Variants in MCC observed in about 807,000 individuals in gnomAD.
MCC encodes colorectal mutant cancer protein.
MCC carries 90 observed loss-of-function variants against 116.2 expected under a neutral mutation model. That is an observed-to-expected ratio of 0.77 (90% CI 0.65 to 0.92). The LOEUF (loss-of-function observed/expected upper bound fraction) is 0.92, where lower values mean the gene tolerates loss of function less well. Ranked by LOEUF, MCC falls within the 40% of genes least tolerant of loss-of-function variation. The pLI is 0.00. For synonymous variants in MCC, 578 were observed against 510.5 expected (o/e 1.13, Z -1.78); for missense variants, 1,516 against 1,312.2 (o/e 1.16, Z -2.40).
At chr5:113,459,194 G>A (rs937994307) in intron 1 of MCC, among the ~76,000 whole-genome samples, 1 of 149,274 alleles carries the variant, frequency 6.7e-6, no homozygotes, top group Admixed American at 6.7e-5. Context: ...GGGTGGGGGG[G>A]GGAGAGAGAG....
intron 3 of MCC, among the ~76,000 whole-genome samples, chr5:113,222,355 A>G (rs1374597446): frequency 2.6e-5 from 4 of 152,178 alleles, no homozygotes; most frequent in Admixed American, 2.6e-4. Flanking sequence ...GTTCACAAAG[A>G]TATTGTATTG....
At chr5:113,303,664 TA>T (rs778044795) in intron 3 of MCC, among the ~76,000 whole-genome samples, 1 of 152,048 alleles carries the variant, frequency 6.6e-6, no homozygotes, top group African/African-American at 2.4e-5. Context: ...CATATGGAGA[TA>T]ACTTCTTTTT....
At chr5:113,145,766 ACACACACACACACACACAAACACACAC>A (rs879891492) in intron 4 of MCC, among the ~76,000 whole-genome samples, 3,082 of 48,058 alleles carry the variant, frequency 0.064, 47 homozygotes, top group Middle Eastern at 0.087. Context: ...ACACACACAC[ACACACACACACACACACAAACACACAC>A]ACACACACAC....
rs34111159 is a variant in MCC, at chr5:113,456,623, A to ATTTTTTTTTTTTTTTTTTT, written c.170+31603_170+31621dup. Among the ~76,000 whole-genome samples, 38 of 51,074 alleles carry ATTTTTTTTTTTTTTTTTTT rather than the reference A, an allele frequency of 7.4e-4. 6 individuals are homozygous for ATTTTTTTTTTTTTTTTTTT. The highest frequency in any genetic ancestry group is 1.7e-3 in the Admixed American group (5 of 2,982). The allele number at this position is 51,074 out of a possible 152,430, so 33.5% of individuals were successfully genotyped here. ...AGTCACCCGCCACCATGCCCAGCTA[A>ATTTTTTTTTTTTTTTTTTT]TTTTTTTTTTTTTTTTTTTTTTTTT... On this transcript the variant is annotated intron_variant, in intron 1 of 18. Transcript: ENST00000408903.
intron 4 of MCC, among the ~76,000 whole-genome samples, chr5:113,147,835 G>A (rs574925167): frequency 3.4e-4 from 52 of 152,264 alleles, no homozygotes; most frequent in African/African-American, 1.3e-3. Context: ...AAAAATACAT[G>A]CCGACTACAT....
intron 8 of MCC, among the ~76,000 whole-genome samples, chr5:113,091,094 C>A (rs528425084): frequency 1.3e-5 from 2 of 152,328 alleles, no homozygotes; most frequent in South Asian, 4.1e-4. Flanking sequence ...AGGTGAAAAG[C>A]TGAAAGTGCT....
At chr5:113,067,287 G>A (rs1753684042) in intron 13 of MCC, among the ~76,000 whole-genome samples, 1 of 152,142 alleles carries the variant, frequency 6.6e-6, no homozygotes. Context: ...ACAAGAGCAG[G>A]GGGTGAAACT....
rs376858082 is a variant in MCC, at chr5:113,041,112, G to C, written c.2756+2418C>G. Among the ~76,000 whole-genome samples, 76 of 152,320 alleles carry C rather than the reference G, an allele frequency of 5.0e-4. 1 individual carries two copies. In the East Asian group the frequency reaches 0.011, roughly 22 times the overall value. On this transcript the variant is annotated intron_variant, in intron 17 of 18. Transcript: ENST00000408903. ...CAACTGCCATTTAACTGCACGGCCAGAGGCTCTGGCAAAGTACAAACAGAG... is the reference window on the plus strand; with the variant it reads ...CAACTGCCATTTAACTGCACGGCCACAGGCTCTGGCAAAGTACAAACAGAG...
At chr5:113,423,433 A>C (rs1770394335) in intron 1 of MCC, among the ~76,000 whole-genome samples, 1 of 152,214 alleles carries the variant, frequency 6.6e-6, no homozygotes, top group Admixed American at 6.5e-5. Context: ...ACAAGAATCT[A>C]ACCCTGTGTT....
At chr5:113,274,932 T>C (rs962721641) in intron 3 of MCC, among the ~76,000 whole-genome samples, 1 of 152,232 alleles carries the variant, frequency 6.6e-6, no homozygotes, top group African/African-American at 2.4e-5. Flanking sequence ...GAAGCCAGGC[T>C]CTGACACCTC....
intron 6 of MCC, among the ~76,000 whole-genome samples, chr5:113,110,948 C>T (rs1246072678): frequency 1.3e-5 from 2 of 152,230 alleles, no homozygotes; most frequent in African/African-American, 4.8e-5. Flanking sequence ...CAGCCGCAGA[C>T]CCCAGGACTC....
At chr5:113,231,112 T>C (rs1007672869) in intron 3 of MCC, among the ~76,000 whole-genome samples, 8 of 152,134 alleles carry the variant, frequency 5.3e-5, no homozygotes, top group Admixed American at 1.3e-4. Flanking sequence ...GGAAAAAAAA[T>C]CTCAAGAGCT....
intron 6 of MCC, among the ~76,000 whole-genome samples, chr5:113,116,576 G>T (rs563376625): frequency 2.0e-5 from 3 of 152,206 alleles, no homozygotes; most frequent in Non-Finnish European, 4.4e-5. Context: ...TTGAGTAAAT[G>T]CTGTAGATTA....
chr5:113,050,197 G>C (rs1181953996), intron 15 of MCC, among the ~76,000 whole-genome samples: 2 of 152,184 alleles, frequency 1.3e-5, no homozygotes, highest in African/African-American at 4.8e-5. Context: ...GTAAGCTGTG[G>C]AGCCACAGAT....
intron 3 of MCC, among the ~76,000 whole-genome samples, chr5:113,187,335 T>C (rs1308796397): frequency 6.6e-6 from 1 of 152,152 alleles, no homozygotes; most frequent in South Asian, 2.1e-4. Context: ...TTTTGAATTC[T>C]TGGCCTCAAG....
At chr5:113,092,137 C>T (rs368395636) in intron 8 of MCC, among the ~76,000 whole-genome samples, 6 of 152,148 alleles carry the variant, frequency 3.9e-5, no homozygotes, top group Non-Finnish European at 7.3e-5. Context: ...AAGGCATCCA[C>T]GCCCTAAACC....
At position 113,400,113 on chromosome 5, in the gene MCC, C is replaced by CTTTTTTTTTTTTTT. The variant is rs747991299; in HGVS notation, c.171-14915_171-14902dup. Reference sequence around the variant, plus strand: ...ATTGTTTTGGCCCTCTCCTTTTTTACTTTTTTTTTTTTTTTTTTTTTTTTT... The same window carrying CTTTTTTTTTTTTTT: ...ATTGTTTTGGCCCTCTCCTTTTTTACTTTTTTTTTTTTTTTTTTTTTTTTTTTTTTTTTTTTTTT... On this transcript the variant is annotated intron_variant, in intron 1 of 18. Coordinates refer to ENST00000408903, the MANE Select transcript of MCC (RefSeq NM_001085377.2). The CTTTTTTTTTTTTTT allele has an allele frequency of 8.5e-4, 61 of 71,402 alleles. 10 individuals carry two copies. The highest frequency in any genetic ancestry group is 2.3e-3 in the African/African-American group (31 of 13,714). The allele number at this position is 71,402 out of a possible 1,614,324, so 4.4% of individuals were successfully genotyped here. A position where few individuals can be genotyped will look rare whatever the true frequency, so the allele number is the denominator to read the frequency against.
chr5:113,084,964 T>C (rs944586142), intron 9 of MCC, among the ~76,000 whole-genome samples, 200 bp downstream of exon 9: 1 of 152,236 alleles, frequency 6.6e-6, no homozygotes, highest in Non-Finnish European at 1.5e-5. Context: ...GGCGTCCAGG[T>C]TGCAGCTGAG....
chr5:113,180,588 C>T (rs190709451), intron 3 of MCC, among the ~76,000 whole-genome samples: 118 of 152,256 alleles, frequency 7.8e-4, no homozygotes, highest in Non-Finnish European at 1.0e-3. Flanking sequence ...CAAGATTGAC[C>T]ACTTAACAAA....
Sources: allele counts gnomAD v4.1 joint callset (sites outside exome capture counted in the v4.1 genomes callset), GRCh38; gene constraint gnomAD v4.1.1; transcripts MANE v1.5; gene names NCBI Gene and HGNC (gene_info 2026-07-23, HGNC 2026-07-21).